RSPH14: variants seen among roughly 807,000 people sequenced by gnomAD.
RSPH14 encodes the protein rhabdoid tumor deletion region gene 1.
A neutral mutation model predicts 26.7 loss-of-function variants in RSPH14; 20 were observed. The ratio of observed to expected loss-of-function variants is 0.75; its 90% CI spans 0.53 to 1.09. The LOEUF is 1.09. Ranked by LOEUF, RSPH14 falls within the 50% of genes least tolerant of loss-of-function variation. RSPH14 has a pLI of 0.00. For missense variants in RSPH14, 449 were observed against 457.2 expected, an observed-to-expected ratio of 0.98 and a Z score of 0.16; for synonymous variants, 177 against 189.3, an observed-to-expected ratio of 0.93 and a Z score of 0.53.
Position 23,093,526 on chromosome 22 carries a change from TGGA to T in RSPH14, c.422-29396_422-29394del, listed in dbSNP as rs1237335709. ...GTCACACATTAGCTGAGGGCTGCTA[TGGA>T]GGAGGAGGACAGAGGGCAAGGTGAC... On this transcript the variant is annotated intron_variant, in intron 4 of 6. Transcript: ENST00000216036. 2.0e-5 allele frequency among the ~76,000 whole-genome samples: 3 copies of T among 152,056 alleles called. No individual in the cohort carries two copies. The South Asian group carries it at 6.2e-4, about 32-fold the overall frequency.
At position 23,059,518 on chromosome 22, in the gene RSPH14, C is replaced by T. The variant is rs35881601; in HGVS notation, c.991G>A (p.Glu331Lys). 9.5e-4 allele frequency: 1,540 copies of T among 1,614,140 alleles called. 12 individuals are homozygous for T. The African/African-American group carries it at 0.017, about 18-fold the overall frequency. ...ATCCGGGCTGCCCGCTGTAAGGCTT[C>T]GGCCACTTGAGGCTTTTCGTAAGTC... The part of the protein sequence containing the change: ...VETYEKPQVA[E>K]ALQRAARIAI... Residue 331 changes from glutamate to lysine, a missense_variant, in exon 7 of 7, where the codon GAA becomes AAA. Physicochemically the swap from Glu to Lys is moderately conservative, Grantham distance 56. Transcript: ENST00000216036.
At chr22:23,152,444 G>A in the RSPH14 span, 38 of 1,614,068 alleles carry the variant, frequency 2.4e-5, no homozygotes, top group Middle Eastern at 3.3e-4. Flanking sequence ...ACGGCAACAC[G>A]GCCATATTTC....
At chr22:23,165,271 A>G in the RSPH14 span, among the ~76,000 whole-genome samples, 1 of 152,244 alleles carries the variant, frequency 6.6e-6, no homozygotes, top group African/African-American at 2.4e-5. Context: ...ACTCTGACCC[A>G]GATGCCACCA....
the RSPH14 span, chr22:23,158,871 C>T: frequency 6.2e-7 from 1 of 1,601,818 alleles, no homozygotes; most frequent in Non-Finnish European, 8.5e-7. Flanking sequence ...ATGGGTGAAT[C>T]TCTCAGCCTC....
chr22:23,134,505 T>C (rs1386659736), intron 3 of RSPH14, among the ~76,000 whole-genome samples: 2 of 145,672 alleles, frequency 1.4e-5, no homozygotes, highest in East Asian at 4.0e-4. Flanking sequence ...GAGAAAAAGT[T>C]GAATGCTTTG....
intron 4 of RSPH14, chr22:23,123,023 C>A: frequency 9.3e-7 from 1 of 1,069,632 alleles, no homozygotes; most frequent in Non-Finnish European, 1.4e-6. Context: ...GGCAGGGCTG[C>A]AGGTCTAGGG....
chr22:23,065,941 G>A (rs906890688), intron 4 of RSPH14, among the ~76,000 whole-genome samples: 10 of 152,006 alleles, frequency 6.6e-5, no homozygotes, highest in Non-Finnish European at 1.2e-4. Flanking sequence ...TCTCTCTCTC[G>A]CAGCTCCCTG....
At chr22:23,097,204 C>T (rs1355627983) in intron 4 of RSPH14, among the ~76,000 whole-genome samples, 2 of 152,010 alleles carry the variant, frequency 1.3e-5, no homozygotes, top group Admixed American at 1.3e-4. Context: ...CAAGGAGTCA[C>T]GAAGTTGTGG....
At position 23,096,244 on chromosome 22, in the gene RSPH14, G is replaced by A. The variant is rs114515939; in HGVS notation, c.422-32111C>T. On this transcript the variant is annotated intron_variant, in intron 4 of 6. Transcript: ENST00000216036. ...TCCTGCGCTCCCGGGACATGACCAC[G>A]GGCATTGTGGAGAACAAGTTCACCT... is the stretch of plus-strand genomic sequence containing the variant. 29 of 1,613,846 alleles carry A rather than the reference G, an allele frequency of 1.8e-5. No homozygotes were observed. In the African/African-American group the frequency reaches 2.5e-4, roughly 14 times the overall value.
chr22:23,116,282 T>C (rs1040174939), intron 4 of RSPH14, among the ~76,000 whole-genome samples: 16 of 152,050 alleles, frequency 1.1e-4, no homozygotes, highest in African/African-American at 3.9e-4. Flanking sequence ...AACTTGGAGG[T>C]GGAGCTGCGG....
At chr22:23,070,255 G>C (rs1254112411) in intron 4 of RSPH14, 1 of 148,206 alleles carries the variant, frequency 6.7e-6, no homozygotes, top group Non-Finnish European at 1.5e-5. Flanking sequence ...GCGGGCGCGC[G>C]GCACCCCCCC....
chr22:23,085,879 G>T (rs2068804514), intron 4 of RSPH14, among the ~76,000 whole-genome samples: 1 of 152,182 alleles, frequency 6.6e-6, no homozygotes, highest in Non-Finnish European at 1.5e-5. Flanking sequence ...AATCCTTTTT[G>T]TTTCTCTCTC....
intron 4 of RSPH14, among the ~76,000 whole-genome samples, chr22:23,102,608 C>G (rs1202652988): frequency 6.6e-6 from 1 of 152,226 alleles, no homozygotes; most frequent in East Asian, 1.9e-4. Flanking sequence ...GGGCTGCCCC[C>G]ACACCTGCTC....
At chr22:23,153,875 G>C in the RSPH14 span, among the ~76,000 whole-genome samples, 4 of 151,932 alleles carry the variant, frequency 2.6e-5, no homozygotes, top group Non-Finnish European at 5.9e-5. Context: ...TTTTAGTAGA[G>C]ATGGGGTTTT....
chr22:23,095,109 G>A (rs75327073), intron 4 of RSPH14: 3,905 of 158,090 alleles, frequency 0.025, 170 homozygotes, highest in African/African-American at 0.09. Context: ...ATGGAGGAGA[G>A]GGGGTTGGAT....
intron 4 of RSPH14, chr22:23,070,353 T>TGGCGGCGGGCGGCGGGCGGCGGGCGGCG (rs587597964): frequency 2.0e-4 from 29 of 142,308 alleles, no homozygotes; most frequent in South Asian, 6.4e-4. Context: ...ACCCGCGGAC[T>TGGCGGCGGGCGGCGGGCGGCGGGCGGCG]GGCGGCGGGC....
intron 4 of RSPH14, among the ~76,000 whole-genome samples, chr22:23,127,977 C>G (rs975399712): frequency 2.0e-5 from 3 of 152,112 alleles, no homozygotes; most frequent in African/African-American, 7.2e-5. Flanking sequence ...ATCTCCACCC[C>G]CGGGCTGCAC....
rs770947611 is a variant in RSPH14 at position 23,063,895 on chromosome 22, G to T, written c.653+7C>A. The T allele has an allele frequency of 1.2e-6, 2 of 1,613,502 alleles. No homozygotes were observed. The highest frequency in any genetic ancestry group is 2.2e-5 in the South Asian group (2 of 91,026). On this transcript the variant is annotated splice_region_variant and intron_variant, in intron 5 of 6. Transcript: ENST00000216036. The stretch of plus-strand genomic sequence containing the variant: ...TTGGTAGAAACCCAGCCTAGGCCAG[G>T]CCTCACCTGACATTAAGGAGCGCAC...
At chr22:23,143,149 G>C (rs1280206152), upstream of RSPH14, among the ~76,000 whole-genome samples, 2 of 152,032 alleles carry the variant, frequency 1.3e-5, no homozygotes, top group African/African-American at 4.8e-5. Context: ...AACTGGGCCA[G>C]GTGCAGTGGC....
Sources: allele counts gnomAD v4.1 joint callset (sites outside exome capture counted in the v4.1 genomes callset), GRCh38; gene constraint gnomAD v4.1.1; transcripts MANE v1.5; gene names NCBI Gene and HGNC (gene_info 2026-07-23, HGNC 2026-07-21).